PGS1: variants seen among roughly 807,000 people sequenced by gnomAD.
The protein encoded by PGS1 is phosphatidylglycerophosphate synthase 1, also known as CDP-diacylglycerol--glycerol-3-phosphate 3-phosphatidyltransferase, mitochondrial.
In PGS1, 44 loss-of-function variants were observed where a neutral mutation model predicts 58.3. The observed-to-expected ratio is 0.75, with a 90% confidence interval of 0.59 to 0.97. The LOEUF is 0.97. Among genes scored for constraint, PGS1 ranks in the 50% least tolerant of loss-of-function variants. The pLI is 0.00. For synonymous variants in PGS1, 330 were observed against 311.0 expected, an observed-to-expected ratio of 1.06 and a Z score of -0.64; for missense variants, 684 against 731.1, an observed-to-expected ratio of 0.94 and a Z score of 0.74.
chr17:78,396,591 A>G (rs1371068930), intron 3 of PGS1, among the ~76,000 whole-genome samples: 3 of 152,198 alleles, frequency 2.0e-5, no homozygotes, highest in African/African-American at 7.2e-5. Context: ...GGAGAGCTTG[A>G]AGAGGTCTGG....
intron 8 of PGS1, among the ~76,000 whole-genome samples, chr17:78,417,353 T>C (rs1186244833): frequency 6.6e-6 from 1 of 152,106 alleles, no homozygotes; most frequent in Non-Finnish European, 1.5e-5. Context: ...CAGCCAGGGA[T>C]TGGGACCTCA....
chr17:78,404,169 A>T, intron 7 of PGS1, 80 bp downstream of exon 7: 4 of 1,412,544 alleles, frequency 2.8e-6, no homozygotes, highest in Non-Finnish European at 3.7e-6. Context: ...CCTGGCGCCT[A>T]CCTGTTAGAG....
At chr17:78,394,640 C>G (rs996965670) in intron 2 of PGS1, among the ~76,000 whole-genome samples, 1 of 152,060 alleles carries the variant, frequency 6.6e-6, no homozygotes, top group East Asian at 1.9e-4. Flanking sequence ...ATCACAACCT[C>G]TGCCTCCTGG....
chr17:78,389,078 G>C (rs551566067), intron 1 of PGS1, among the ~76,000 whole-genome samples: 4 of 75,776 alleles, frequency 5.3e-5, no homozygotes, highest in East Asian at 6.1e-4. Context: ...TTTTTTTTGC[G>C]GGGGGACAGA....
chr17:78,403,703 C>T lies in PGS1; in HGVS notation c.1016C>T (p.Ala339Val), dbSNP rs2083879880. 2 of 1,614,132 alleles carry T rather than the reference C, an allele frequency of 1.2e-6. No individual in the cohort carries two copies. The highest frequency in any genetic ancestry group is 1.7e-6 in the Non-Finnish European group (2 of 1,180,056). Residue 339 changes from alanine to valine, a missense_variant, in exon 7 of 10, where the codon GCT becomes GTT. Transcript: ENST00000262764. ...CTTTTGACCCAGGAAGATGCAGCAG[C>T]TGCTGGGGATCGCAGACCAGCCCCT... ...NSLLTQEDAA[A>V]AGDRRPAPDT...
intron 2 of PGS1, among the ~76,000 whole-genome samples, chr17:78,394,165 CTA>C (rs2083039357): frequency 2.2e-5 from 1 of 46,340 alleles, no homozygotes; most frequent in African/African-American, 9.4e-5. Context: ...GAGCGAGACT[CTA>C]TCTCCCAAAA....
At chr17:78,389,309 C>T (rs2082640292) in intron 1 of PGS1, among the ~76,000 whole-genome samples, 1 of 151,730 alleles carries the variant, frequency 6.6e-6, no homozygotes, top group Non-Finnish European at 1.5e-5. Context: ...CCTCAGCCTC[C>T]TGAGTAGCTG....
intron 1 of PGS1, among the ~76,000 whole-genome samples, chr17:78,391,370 T>A (rs1210776619): frequency 6.6e-6 from 1 of 152,190 alleles, no homozygotes; most frequent in African/African-American, 2.4e-5. Flanking sequence ...CAGGCTGGAA[T>A]GCAATGGCAT....
chr17:78,388,746 G>A (rs1297357928), intron 1 of PGS1, among the ~76,000 whole-genome samples: 1 of 152,166 alleles, frequency 6.6e-6, no homozygotes, highest in Non-Finnish European at 1.5e-5. Flanking sequence ...CACTGGAGGA[G>A]AATGCTGCAG....
At chr17:78,422,861 C>T (rs1021387669) in intron 9 of PGS1, among the ~76,000 whole-genome samples, 1 of 152,026 alleles carries the variant, frequency 6.6e-6, no homozygotes, top group Non-Finnish European at 1.5e-5. Context: ...TTTGGGAGGC[C>T]GAGGTTGGTG....
At chr17:78,417,019 G>C (rs1472025998) in intron 8 of PGS1, among the ~76,000 whole-genome samples, 2 of 152,154 alleles carry the variant, frequency 1.3e-5, no homozygotes, top group Non-Finnish European at 2.9e-5. Context: ...CTGGGAATGG[G>C]GAGATATTTT....
chr17:78,408,045 T>C (rs1024243219), intron 7 of PGS1, among the ~76,000 whole-genome samples: 6 of 152,226 alleles, frequency 3.9e-5, no homozygotes, highest in Admixed American at 1.3e-4. Flanking sequence ...TTGCCGATCG[T>C]TCAACAGCCT....
chr17:78,406,002 A>G (rs926934933), intron 7 of PGS1, among the ~76,000 whole-genome samples: 1 of 151,958 alleles, frequency 6.6e-6, no homozygotes, highest in African/African-American at 2.4e-5. Flanking sequence ...ATGTTTTTCA[A>G]TTGGGGGATG....
chr17:78,420,189 T>C (rs2085584124), intron 9 of PGS1: 6 of 1,000,726 alleles, frequency 6.0e-6, no homozygotes, highest in Non-Finnish European at 7.2e-6. Context: ...GACGCCTCGC[T>C]GACATCCCTG....
At chr17:78,388,671 C>G (rs1465465594) in intron 1 of PGS1, among the ~76,000 whole-genome samples, 25 of 152,052 alleles carry the variant, frequency 1.6e-4, no homozygotes, top group Non-Finnish European at 2.9e-5. Context: ...CGTCCCTTCA[C>G]ACTTCCTGCC....
At chr17:78,423,857 T>G (rs1427343108) in intron 9 of PGS1, 1 of 1,605,024 alleles carries the variant, frequency 6.2e-7, no homozygotes, top group Non-Finnish European at 8.5e-7. Context: ...GGTGAAGGGC[T>G]GAGTTGTGGT....
At chr17:78,394,339 G>A (rs941101945) in intron 2 of PGS1, among the ~76,000 whole-genome samples, 1 of 151,808 alleles carries the variant, frequency 6.6e-6, no homozygotes, top group Non-Finnish European at 1.5e-5. Context: ...CTCCTTTTGC[G>A]CTTTTGTTCT....
chr17:78,378,859 C>G (rs2081823533), intron 1 of PGS1, 51 bp downstream of exon 1: 1 of 1,349,264 alleles, frequency 7.4e-7, no homozygotes, highest in Admixed American at 4.1e-5. Context: ...TGCAGCCCGG[C>G]CCCCCGGCGC....
At chr17:78,416,120 A>G (rs1181153487) in intron 8 of PGS1, among the ~76,000 whole-genome samples, 1 of 152,208 alleles carries the variant, frequency 6.6e-6, no homozygotes, top group African/African-American at 2.4e-5. Flanking sequence ...CCTTGGTGCC[A>G]GGAAAGGCTT....
Sources: allele counts gnomAD v4.1 joint callset (sites outside exome capture counted in the v4.1 genomes callset), GRCh38; gene constraint gnomAD v4.1.1; transcripts MANE v1.5; gene names NCBI Gene and HGNC (gene_info 2026-07-23, HGNC 2026-07-21).